Variants in PCDHA4 observed in about 807,000 individuals in gnomAD.
PCDHA4 encodes the protein protocadherin alpha-4.
In PCDHA4, 49 loss-of-function variants were observed where a neutral mutation model predicts 61.4. The ratio of observed to expected loss-of-function variants is 0.80; its 90% CI spans 0.63 to 1.01. The LOEUF is 1.01. PCDHA4 is among the 50% of genes least tolerant of loss of function. The pLI is 0.00. For synonymous variants in PCDHA4, 590 were observed against 550.3 expected (o/e 1.07, Z -1.01); for missense variants, 1,254 against 1,235.8 (o/e 1.01, Z -0.22).
chr5:140,847,895 A>G (rs1554141940), intron 1 of PCDHA4: 1 of 149,664 alleles, frequency 6.7e-6, no homozygotes, highest in African/African-American at 2.5e-5. Context: ...CTTTTTCATC[A>G]GTAGATTTCT....
chr5:140,883,606 C>T (rs782093980), intron 1 of PCDHA4: 1 of 1,613,942 alleles, frequency 6.2e-7, no homozygotes, highest in South Asian at 1.1e-5. Flanking sequence ...TGGGGGTGGC[C>T]GACGTGAACG....
rs2053195452 is a variant in PCDHA4, at chr5:140,871,568, T to G, written c.2385+61996T>G. ...TTAAAATCCAGTTTTTTTTCACGGATTTTTTAAGGGAAAGTTTTATGAATA... is the reference window on the plus strand; with the variant it reads ...TTAAAATCCAGTTTTTTTTCACGGAGTTTTTAAGGGAAAGTTTTATGAATA... On this transcript the variant is annotated intron_variant, in intron 1 of 3. Coordinates refer to ENST00000530339, the MANE Select transcript of PCDHA4 (RefSeq NM_018907.4). 4.7e-6 allele frequency: 7 copies of G among 1,481,802 alleles called. No homozygotes were observed. In the East Asian group the frequency reaches 1.7e-4, roughly 37 times the overall value. The allele number at this position is 1,481,802 out of a possible 1,614,324, so 91.8% of individuals were successfully genotyped here. A position where few individuals can be genotyped will look rare whatever the true frequency, so the allele number is the denominator to read the frequency against.
At chr5:140,958,953 T>A (rs1489065015) in intron 1 of PCDHA4, among the ~76,000 whole-genome samples, 2 of 144,196 alleles carry the variant, frequency 1.4e-5, no homozygotes, top group Non-Finnish European at 3.1e-5. Flanking sequence ...ATTATATTAT[T>A]ATAATTGTTC....
chr5:140,843,417 A>G, intron 1 of PCDHA4: 1 of 1,595,970 alleles, frequency 6.3e-7, no homozygotes, highest in South Asian at 1.1e-5. Context: ...GTCAACGTGT[A>G]CCTGATCATC....
At chr5:140,835,448 GTC>G in intron 1 of PCDHA4, 1 of 1,613,886 alleles carries the variant, frequency 6.2e-7, no homozygotes, top group East Asian at 2.2e-5. Flanking sequence ...TCACTTCCCT[GTC>G]TCTCCCTATT....
intron 1 of PCDHA4, among the ~76,000 whole-genome samples, chr5:140,819,205 A>G (rs1431805536): frequency 2.0e-5 from 3 of 152,176 alleles, no homozygotes; most frequent in Non-Finnish European, 4.4e-5. Flanking sequence ...TTATTTATAC[A>G]TTTTTATACA....
At chr5:140,861,150 G>T (rs2046778141) in intron 1 of PCDHA4, 1 of 154,448 alleles carries the variant, frequency 6.5e-6, no homozygotes, top group Non-Finnish European at 1.4e-5. Flanking sequence ...TCAGGAACAA[G>T]GACCAAAAGG....
At chr5:140,876,961 C>A in intron 1 of PCDHA4, 1 of 1,613,154 alleles carries the variant, frequency 6.2e-7, no homozygotes, top group Non-Finnish European at 8.5e-7. Flanking sequence ...GCTGGTGGAG[C>A]GGCGGGTGGG....
At chr5:140,967,511 G>T (rs1402187059) in intron 1 of PCDHA4, 2 of 1,612,876 alleles carry the variant, frequency 1.2e-6, no homozygotes, top group Non-Finnish European at 8.5e-7. Flanking sequence ...GCGTGTCCTG[G>T]ACACTAACGA....
At position 140,809,031 on chromosome 5, in the gene PCDHA4, C is replaced by G. The variant is rs1554124952; in HGVS notation, c.1844C>G (p.Thr615Ser). Residue 615 changes from threonine (T) to serine (S), a missense_variant, in exon 1 of 4, where the codon ACT (threonine) becomes AGT (serine). Physicochemically the swap from Thr to Ser is moderately conservative, Grantham distance 58 (BLOSUM62 1). Coordinates refer to ENST00000530339, the MANE Select transcript of PCDHA4 (RefSeq NM_018907.4). ...CTTTCGTACGAGCTGCAGCCGGGGA[C>G]TGGTGGCGCGCGCATCCCGTTCCGC... ...AWLSYELQPG[T>S]GGARIPFRVG... 2 of 1,613,858 alleles carry G rather than the reference C, an allele frequency of 1.2e-6. No homozygotes were observed. The highest frequency in any genetic ancestry group is 1.7e-6 in the Non-Finnish European group (2 of 1,179,872).
intron 3 of PCDHA4, among the ~76,000 whole-genome samples, chr5:140,993,386 A>C (rs1435793353): frequency 6.6e-6 from 1 of 151,354 alleles, no homozygotes; most frequent in Non-Finnish European, 1.5e-5. Flanking sequence ...GGGTCCCTGA[A>C]ACTCCATCAT....
At chr5:140,946,801 G>C (rs2094030166) in intron 1 of PCDHA4, among the ~76,000 whole-genome samples, 1 of 151,430 alleles carries the variant, frequency 6.6e-6, no homozygotes, top group African/African-American at 2.4e-5. Flanking sequence ...TAGAAGCAGA[G>C]AGTATAACAG....
At chr5:140,843,005 G>A (rs1562406385) in intron 1 of PCDHA4, 5 of 1,594,914 alleles carry the variant, frequency 3.1e-6, no homozygotes, top group Non-Finnish European at 3.4e-6. Flanking sequence ...GAATGACAAC[G>A]CGCCGGCACT....
chr5:140,856,116 G>A, intron 1 of PCDHA4: 2 of 1,598,152 alleles, frequency 1.3e-6, no homozygotes, highest in African/African-American at 2.7e-5. Context: ...CTCGCAGCCT[G>A]GGAGGTGGGG....
chr5:140,951,543 C>CG (rs1201907714), intron 1 of PCDHA4, among the ~76,000 whole-genome samples: 2 of 151,428 alleles, frequency 1.3e-5, no homozygotes. Flanking sequence ...GAGCAAGGGA[C>CG]GGGGGGAAGT....
At chr5:140,869,286 G>A in intron 1 of PCDHA4, 2 of 1,613,616 alleles carry the variant, frequency 1.2e-6, no homozygotes, top group Non-Finnish European at 1.7e-6. Context: ...AGCTGGTGCA[G>A]CGCCTGTTCC....
At chr5:140,890,245 A>G (rs2062563165) in intron 1 of PCDHA4, among the ~76,000 whole-genome samples, 1 of 152,146 alleles carries the variant, frequency 6.6e-6, no homozygotes, top group Admixed American at 6.5e-5. Context: ...TTACCAGTAC[A>G]CTACTGCACC....
At chr5:140,968,287 C>G (rs7712041) in intron 1 of PCDHA4, 1 of 1,613,902 alleles carries the variant, frequency 6.2e-7, no homozygotes, top group South Asian at 1.1e-5. Context: ...TGACCTACTC[C>G]CTTCTGGAGA....
intron 1 of PCDHA4, among the ~76,000 whole-genome samples, chr5:140,911,116 C>G (rs1184319768): frequency 6.6e-6 from 1 of 152,142 alleles, no homozygotes; most frequent in Non-Finnish European, 1.5e-5. Flanking sequence ...GAAGCCATCA[C>G]TGTTGCCTCA....
Sources: allele counts gnomAD v4.1 joint callset (sites outside exome capture counted in the v4.1 genomes callset), GRCh38; gene constraint gnomAD v4.1.1; transcripts MANE v1.5; gene names NCBI Gene and HGNC (gene_info 2026-07-23, HGNC 2026-07-21).